The following ANKRD11 variants were observed in gnomAD, a reference collection of about 807,000 sequenced individuals.
The protein encoded by ANKRD11 is ankyrin repeat domain 11, also known as ankyrin repeat domain-containing protein 11.
A neutral mutation model predicts 195.7 loss-of-function variants in ANKRD11; 17 were observed. That is an observed-to-expected ratio of 0.09 (90% CI 0.06 to 0.13). The LOEUF is 0.13. Among genes scored for constraint, ANKRD11 ranks in the 10% least tolerant of loss-of-function variants. The probability of loss-of-function intolerance (pLI) is 1.00; values close to 1 mark genes in which losing one functional copy is unlikely to be tolerated. For synonymous variants in ANKRD11, 1,953 were observed against 1,528.1 expected (o/e 1.28, Z -6.49); for missense variants, 3,735 against 3,566.1 (o/e 1.05, Z -1.21).
intron 6 of ANKRD11, among the ~76,000 whole-genome samples, chr16:89,290,169 C>T (rs1488938331): frequency 6.6e-6 from 1 of 152,252 alleles, no homozygotes. Context: ...AGAGCAGACG[C>T]GCACCCCACG....
chr16:89,288,742 C>T, intron 6 of ANKRD11, 72 bp from the exon 7 acceptor site: 1 of 1,609,192 alleles, frequency 6.2e-7, no homozygotes, highest in Non-Finnish European at 8.5e-7. Flanking sequence ...AGGCAGCGCC[C>T]TGAGGATGTG....
At chr16:89,325,325 C>A (rs1389371372) in intron 2 of ANKRD11, among the ~76,000 whole-genome samples, 1 of 152,120 alleles carries the variant, frequency 6.6e-6, no homozygotes, top group African/African-American at 2.4e-5. Context: ...GCGGTCTCAG[C>A]TACCAGGGAG....
intron 2 of ANKRD11, among the ~76,000 whole-genome samples, chr16:89,380,214 G>A (rs1597212807): frequency 6.6e-6 from 1 of 152,254 alleles, no homozygotes; most frequent in East Asian, 1.9e-4. Context: ...ACAGGTTCAA[G>A]CAATTCTCCT....
intron 4 of ANKRD11, among the ~76,000 whole-genome samples, chr16:89,295,349 G>T (rs570624065): frequency 4.6e-5 from 7 of 151,886 alleles, no homozygotes; most frequent in Non-Finnish European, 8.8e-5. Context: ...TGTGTCCGCT[G>T]ACCTGAGCCT....
chr16:89,309,970 G>A (rs1317286147), intron 3 of ANKRD11, among the ~76,000 whole-genome samples: 3 of 152,196 alleles, frequency 2.0e-5, no homozygotes, highest in Non-Finnish European at 4.4e-5. Context: ...CTCTGCACAT[G>A]TCATATGCAG....
intron 2 of ANKRD11, among the ~76,000 whole-genome samples, chr16:89,391,503 G>T (rs1270737794): frequency 6.6e-6 from 1 of 152,166 alleles, no homozygotes; most frequent in Non-Finnish European, 1.5e-5. Flanking sequence ...CCACACAACT[G>T]GTCACAGACG....
chr16:89,459,871 T>G (rs2056590178), intron 1 of ANKRD11, among the ~76,000 whole-genome samples: 1 of 151,504 alleles, frequency 6.6e-6, no homozygotes, highest in South Asian at 2.1e-4. Context: ...AAGTCGAGAT[T>G]GCAGTGAGCC....
In ANKRD11 at chr16:89,279,274, T is replaced by G; in HGVS notation, c.7268A>C (p.Lys2423Thr). 1 of 1,611,822 alleles carries G rather than the reference T, an allele frequency of 6.2e-7. No individual in the cohort carries two copies. ...GTGGTAGGGCTCGATGGCATCCAGC[T>G]TGATGGCGTCCACGATGGCGGCCAG... ...QTLAAIVDAI[K>T]LDAIEPYHSD... The change falls in exon 9 of 13, where the codon AAG (lysine) becomes ACG (threonine). Residue 2423 changes from lysine (K) to threonine (T), a missense_variant. Physicochemically the swap from Lys to Thr is moderately conservative, Grantham distance 78. Transcript: ENST00000301030. This position sits in a 1 kb window ranked among gnomAD's most constrained non-coding sequence, Gnocchi z 5.6.
rs377082432 is a variant in ANKRD11 at position 89,362,752 on chromosome 16, C to T, written c.-59-45674G>A. ...TCTGCCCTGGCATGCTTATACTGGT[C>T]GAAGCAAGCATTAGGTCACGGCCTG... On this transcript the variant is annotated intron_variant, in intron 2 of 12. Coordinates refer to ENST00000301030, the MANE Select transcript of ANKRD11 (RefSeq NM_013275.6). 2.6e-4 allele frequency among the ~76,000 whole-genome samples: 39 copies of T among 152,318 alleles called. 1 individual carries two copies. The highest frequency in any genetic ancestry group is 8.9e-4 in the African/African-American group (37 of 41,556).
chr16:89,280,186 G>C lies in ANKRD11; in HGVS notation c.6356C>G (p.Pro2119Arg). 1 of 1,609,104 alleles carries C rather than the reference G, an allele frequency of 6.2e-7. No individual in the cohort carries two copies. Among genetic ancestry groups the C allele is most frequent in the South Asian group, 1.1e-5 (1 of 90,896 alleles). The change falls in exon 9 of 13, where the codon CCC becomes CGC. Residue 2119 changes from proline to arginine, a missense_variant. Pro to Arg is a moderately radical substitution (Grantham distance 103). Transcript: ENST00000301030. Reference protein sequence around the residue: ...LSHLGQVEPVPWADAFAGPED... With the variant: ...LSHLGQVEPVRWADAFAGPED... ...GGGGCCGGCGAAGGCGTCCGCCCAG[G>C]GCACCGGCTCCACCTGGCCGAGGTG...
chr16:89,485,855 C>T (rs947000642), intron 1 of ANKRD11, among the ~76,000 whole-genome samples: 1 of 152,202 alleles, frequency 6.6e-6, no homozygotes, highest in African/African-American at 2.4e-5. Context: ...GGCCTCCGGA[C>T]AAACGAGACA....
intron 11 of ANKRD11, chr16:89,272,874 G>C (rs1016835781): frequency 2.0e-5 from 3 of 152,118 alleles, no homozygotes; most frequent in Admixed American, 2.0e-4. Context: ...CTGGGGTCAT[G>C]ATGTTAAGTG....
chr16:89,272,668 T>A (rs2033266125), intron 11 of ANKRD11: 1 of 152,014 alleles, frequency 6.6e-6, no homozygotes, highest in Admixed American at 6.5e-5. Context: ...AGACTCAGAA[T>A]CACAAAAAGG....
chr16:89,300,809 G>A (rs984865755), intron 4 of ANKRD11: 2 of 697,536 alleles, frequency 2.9e-6, no homozygotes, highest in Non-Finnish European at 5.2e-6. Flanking sequence ...AGACCAGGGT[G>A]TCATTCACAG....
intron 1 of ANKRD11, among the ~76,000 whole-genome samples, chr16:89,477,734 AG>A (rs1434374855): frequency 6.6e-6 from 1 of 150,532 alleles, no homozygotes; most frequent in Non-Finnish European, 1.5e-5. Flanking sequence ...GCACTTTGGG[AG>A]GCTGAGCAGG....
chr16:89,443,675 T>G (rs2043636207), intron 1 of ANKRD11, among the ~76,000 whole-genome samples: 1 of 152,134 alleles, frequency 6.6e-6, no homozygotes, highest in African/African-American at 2.4e-5. Flanking sequence ...TTTCAACCAG[T>G]TTTTGCAAGC....
At chr16:89,286,314 G>T (rs766194073) in intron 7 of ANKRD11, 128 bp from the exon 8 acceptor site, 2 of 1,365,278 alleles carry the variant, frequency 1.5e-6, no homozygotes, top group Non-Finnish European at 2.1e-6. Context: ...CACGGTCTGA[G>T]GGTGTGGGAG....
chr16:89,398,621 G>C (rs2041565009), intron 2 of ANKRD11, among the ~76,000 whole-genome samples: 1 of 152,128 alleles, frequency 6.6e-6, no homozygotes, highest in African/African-American at 2.4e-5. Context: ...ACCTGCCTGT[G>C]GTTTCAGATA....
intron 2 of ANKRD11, among the ~76,000 whole-genome samples, chr16:89,395,535 T>C (rs1383802191): frequency 1.3e-5 from 2 of 152,218 alleles, no homozygotes; most frequent in East Asian, 3.9e-4. Context: ...CGAATCTTAC[T>C]TGTCCATGAG....
Sources: gnomAD v4.1 joint callset for allele counts (sites outside exome capture counted in the v4.1 genomes callset) on GRCh38, gnomAD v4.1.1 for gene constraint, Gnocchi (gnomAD v3.1) non-coding constraint, MANE v1.5 for transcripts, NCBI Gene and HGNC (gene_info 2026-07-23, HGNC 2026-07-21) for gene names.